Variants in SGCZ observed in about 807,000 individuals in gnomAD.
SGCZ encodes the protein zeta-sarcoglycan.
In SGCZ, 40 loss-of-function variants were observed where a neutral mutation model predicts 41.3. The observed-to-expected ratio is 0.97, with a 90% CI of 0.75 to 1.26. The LOEUF is 1.26. SGCZ is among the 50% of genes most tolerant of loss of function. The pLI is 0.00. For synonymous variants in SGCZ, 206 were observed against 137.5 expected (o/e 1.50, Z -3.49); for missense variants, 552 against 369.8 (o/e 1.49, Z -4.04).
intron 1 of SGCZ, among the ~76,000 whole-genome samples, chr8:14,568,469 G>C (rs1448649137): frequency 7.5e-6 from 1 of 132,648 alleles, no homozygotes; most frequent in Non-Finnish European, 1.6e-5. Flanking sequence ...AACTAAAGAA[G>C]ATGCTTAGTT....
At chr8:14,322,041 A>C (rs1345681576) in intron 3 of SGCZ, among the ~76,000 whole-genome samples, 1 of 152,138 alleles carries the variant, frequency 6.6e-6, no homozygotes. Flanking sequence ...CTTATAAAAT[A>C]CATTTTTCTC....
At chr8:14,405,888 A>C (rs1205943056) in intron 2 of SGCZ, among the ~76,000 whole-genome samples, 2 of 152,150 alleles carry the variant, frequency 1.3e-5, no homozygotes, top group East Asian at 3.9e-4. Flanking sequence ...TTTTCTCTTT[A>C]GTGGGAGCTG....
At chr8:14,904,486 G>A (rs899321915) in intron 1 of SGCZ, among the ~76,000 whole-genome samples, 1 of 151,802 alleles carries the variant, frequency 6.6e-6, no homozygotes. Context: ...TAGAATATAC[G>A]AACTTATTTC....
intron 2 of SGCZ, among the ~76,000 whole-genome samples, chr8:14,378,083 T>G (rs1804205422): frequency 6.7e-6 from 1 of 150,154 alleles, no homozygotes; most frequent in African/African-American, 2.5e-5. Flanking sequence ...TTTCTAGTTC[T>G]AGATCCCTGA....
intron 3 of SGCZ, among the ~76,000 whole-genome samples, chr8:14,243,613 G>A (rs34513984): frequency 0.33 from 49,873 of 151,846 alleles, 8,593 homozygotes; most frequent in Non-Finnish European, 0.39. Context: ...CCTCACTTCC[G>A]TCATTTAAGA....
At chr8:14,556,826 C>A (rs1804048526) in intron 1 of SGCZ, among the ~76,000 whole-genome samples, 1 of 151,940 alleles carries the variant, frequency 6.6e-6, no homozygotes, top group African/African-American at 2.4e-5. Context: ...TATACCACAG[C>A]TTATTGACTG....
chr8:14,438,476 A>T (rs962500224), intron 2 of SGCZ, among the ~76,000 whole-genome samples: 2 of 152,012 alleles, frequency 1.3e-5, no homozygotes, highest in African/African-American at 4.8e-5. Flanking sequence ...CTAACTGAAG[A>T]GTTCAATAAC....
intron 2 of SGCZ, among the ~76,000 whole-genome samples, chr8:14,444,128 G>T (rs1430287475): frequency 3.3e-5 from 5 of 152,132 alleles, no homozygotes; most frequent in African/African-American, 4.8e-5. Flanking sequence ...TCTCACACTA[G>T]TTAGAATGGC....
intron 5 of SGCZ, among the ~76,000 whole-genome samples, chr8:14,140,158 G>A (rs1020952955): frequency 3.2e-4 from 48 of 152,294 alleles, no homozygotes; most frequent in Admixed American, 1.4e-3. Flanking sequence ...ACTAGGTATT[G>A]ATGGAACGTA....
chr8:14,614,856 T>C (rs988660816), intron 1 of SGCZ, among the ~76,000 whole-genome samples: 1 of 152,162 alleles, frequency 6.6e-6, no homozygotes, highest in Non-Finnish European at 1.5e-5. Context: ...CCAAATTATA[T>C]GTAATGTTGA....
At chr8:14,127,927 C>T (rs1438655280) in intron 5 of SGCZ, among the ~76,000 whole-genome samples, 1 of 152,118 alleles carries the variant, frequency 6.6e-6, no homozygotes, top group Non-Finnish European at 1.5e-5. Flanking sequence ...CCCAACCTCC[C>T]CCCGCATCAA....
chr8:14,425,735 G>C (rs1218193494), intron 2 of SGCZ, among the ~76,000 whole-genome samples: 1 of 151,936 alleles, frequency 6.6e-6, no homozygotes, highest in Non-Finnish European at 1.5e-5. Context: ...ATGTTTCTTA[G>C]TTTTTAGGTA....
chr8:14,943,987 T>C (rs1490765433), intron 1 of SGCZ, among the ~76,000 whole-genome samples: 1 of 152,122 alleles, frequency 6.6e-6, no homozygotes, highest in African/African-American at 2.4e-5. Context: ...CTTCATACCA[T>C]TTTCTTTATC....
At chr8:14,478,852 T>G (rs1024419505) in intron 2 of SGCZ, among the ~76,000 whole-genome samples, 8 of 152,154 alleles carry the variant, frequency 5.3e-5, no homozygotes, top group African/African-American at 4.8e-5. Flanking sequence ...GTTTCACTTG[T>G]AAAAAGGTAG....
At chr8:14,366,201 G>C (rs1466396275) in intron 2 of SGCZ, among the ~76,000 whole-genome samples, 1 of 152,068 alleles carries the variant, frequency 6.6e-6, no homozygotes, top group Non-Finnish European at 1.5e-5. Flanking sequence ...ACCAGAGACT[G>C]GATATTTCAT....
At chr8:15,113,589 T>A (rs967150539) in intron 1 of SGCZ, among the ~76,000 whole-genome samples, 1 of 152,190 alleles carries the variant, frequency 6.6e-6, no homozygotes, top group Non-Finnish European at 1.5e-5. Flanking sequence ...ATCCAGAGCA[T>A]GTCTCTTCGG....
chr8:14,523,535 C>A (rs977655774), intron 2 of SGCZ, among the ~76,000 whole-genome samples: 2 of 151,998 alleles, frequency 1.3e-5, no homozygotes, highest in African/African-American at 4.8e-5. Flanking sequence ...ATCTGTCATT[C>A]ATATTCTTCT....
chr8:15,048,082 T>TCTAC (rs1804377779), intron 1 of SGCZ, among the ~76,000 whole-genome samples: 1 of 152,046 alleles, frequency 6.6e-6, no homozygotes, highest in Non-Finnish European at 1.5e-5. Context: ...ATGGAGTCAA[T>TCTAC]CTACCATTCA....
chr8:14,359,885 A>C (rs1163555760), intron 2 of SGCZ, among the ~76,000 whole-genome samples: 1 of 152,084 alleles, frequency 6.6e-6, no homozygotes, highest in Non-Finnish European at 1.5e-5. Context: ...TGGCAAATCA[A>C]ATTCATCAAT....
Sources: allele counts gnomAD v4.1 joint callset (sites outside exome capture counted in the v4.1 genomes callset), GRCh38; gene constraint gnomAD v4.1.1; transcripts MANE v1.5; gene names NCBI Gene and HGNC (gene_info 2026-07-23, HGNC 2026-07-21).